The following PEX14 variants were observed in gnomAD, a reference collection of about 807,000 sequenced individuals.
The protein encoded by PEX14 is peroxisomal biogenesis factor 14.
PEX14 carries 15 observed loss-of-function variants against 49.5 expected under a neutral mutation model. The ratio of observed to expected loss-of-function variants is 0.30; its 90% CI spans 0.20 to 0.47. PEX14 has a LOEUF of 0.47. Ranked by LOEUF, PEX14 falls within the 20% of genes least tolerant of loss-of-function variation. The pLI is 1.00. For synonymous variants in PEX14, 210 were observed against 212.7 expected (o/e 0.99, Z 0.11); for missense variants, 398 against 494.8 (o/e 0.80, Z 1.86).
chr1:10,571,542 C>T (rs1347230211), intron 3 of PEX14, among the ~76,000 whole-genome samples: 2 of 152,110 alleles, frequency 1.3e-5, no homozygotes, highest in Non-Finnish European at 2.9e-5. Context: ...GGCACAGTGC[C>T]TCATGCCTAG....
intron 1 of PEX14, among the ~76,000 whole-genome samples, chr1:10,487,966 C>T (rs1180781961): frequency 1.3e-5 from 2 of 149,758 alleles, no homozygotes; most frequent in Admixed American, 6.7e-5. Context: ...TTTTTAATTG[C>T]GATGGGGTTT....
chr1:10,581,428 C>T (rs909271178), intron 3 of PEX14, among the ~76,000 whole-genome samples: 4 of 151,250 alleles, frequency 2.6e-5, no homozygotes, highest in Non-Finnish European at 4.4e-5. Flanking sequence ...GTCTCAGCCT[C>T]CCGAGTAGTT....
intron 3 of PEX14, among the ~76,000 whole-genome samples, chr1:10,571,819 C>T (rs1374651634): frequency 1.3e-5 from 2 of 151,766 alleles, no homozygotes; most frequent in East Asian, 3.9e-4. Flanking sequence ...AAAAACAAAA[C>T]AAAACAAAAA....
intron 3 of PEX14, among the ~76,000 whole-genome samples, chr1:10,560,638 T>G (rs1639624907): frequency 6.6e-6 from 1 of 151,804 alleles, no homozygotes; most frequent in Non-Finnish European, 1.5e-5. Flanking sequence ...CCCAAAGTGT[T>G]GGGATCACAG....
chr1:10,551,510 T>C (rs1639333720), intron 3 of PEX14, among the ~76,000 whole-genome samples: 1 of 152,158 alleles, frequency 6.6e-6, no homozygotes, highest in South Asian at 2.1e-4. Context: ...GGAGATTCTT[T>C]AGAGGTGACT....
At chr1:10,622,274 G>A (rs2124638332) in intron 5 of PEX14, among the ~76,000 whole-genome samples, 1 of 152,304 alleles carries the variant, frequency 6.6e-6, no homozygotes, top group South Asian at 2.1e-4. Context: ...TTTCCCCAGA[G>A]CCAGTTTCTT....
intron 5 of PEX14, among the ~76,000 whole-genome samples, chr1:10,619,434 A>T (rs968895173): frequency 1.3e-5 from 2 of 150,810 alleles, no homozygotes; most frequent in Admixed American, 6.7e-5. Context: ...CTCCTGTCTC[A>T]GCTTCCTGAG....
chr1:10,535,087 G>A (rs1356253800), intron 2 of PEX14, among the ~76,000 whole-genome samples: 1 of 152,182 alleles, frequency 6.6e-6, no homozygotes, highest in African/African-American at 2.4e-5. Context: ...CAACTTATGA[G>A]TGAACTCAGG....
intron 4 of PEX14, among the ~76,000 whole-genome samples, chr1:10,609,974 A>T (rs1641232076): frequency 6.6e-6 from 1 of 151,206 alleles, no homozygotes; most frequent in Admixed American, 6.6e-5. Context: ...CTTTACCGTA[A>T]CATAATGGTT....
chr1:10,526,744 T>A (rs2988399), intron 2 of PEX14, among the ~76,000 whole-genome samples: 120,847 of 151,962 alleles, frequency 0.8, 48,171 homozygotes, highest in Non-Finnish European at 0.82. Context: ...ATTTCCTTTG[T>A]GCATGACCTT....
intron 2 of PEX14, among the ~76,000 whole-genome samples, chr1:10,530,069 T>C (rs1483452898): frequency 6.6e-6 from 1 of 152,170 alleles, no homozygotes; most frequent in African/African-American, 2.4e-5. Context: ...CTGGCTTTTG[T>C]TGACTTTCCC....
At chr1:10,580,470 C>A (rs1385482731) in intron 3 of PEX14, among the ~76,000 whole-genome samples, 1 of 152,186 alleles carries the variant, frequency 6.6e-6, no homozygotes, top group African/African-American at 2.4e-5. Context: ...GGTGATCCAC[C>A]TGCCTTGACC....
chr1:10,588,234 A>G (rs1041870187), intron 3 of PEX14, among the ~76,000 whole-genome samples: 24 of 152,020 alleles, frequency 1.6e-4, no homozygotes, highest in Non-Finnish European at 2.5e-4. Flanking sequence ...AAAAAAAGAC[A>G]TGGAGTCTCA....
At chr1:10,544,563 T>G (rs573145781) in intron 3 of PEX14, among the ~76,000 whole-genome samples, 1 of 152,274 alleles carries the variant, frequency 6.6e-6, no homozygotes, top group African/African-American at 2.4e-5. Flanking sequence ...TACACATATT[T>G]AATGTGTGGT....
chr1:10,524,775 C>A (rs1638418451), intron 2 of PEX14, among the ~76,000 whole-genome samples: 2 of 152,162 alleles, frequency 1.3e-5, no homozygotes, highest in Admixed American at 1.3e-4. Context: ...CTCAGTGTAA[C>A]CTCAAACTCC....
chr1:10,507,237 T>C (rs1158567338), intron 2 of PEX14, among the ~76,000 whole-genome samples: 1 of 152,264 alleles, frequency 6.6e-6, no homozygotes, highest in Non-Finnish European at 1.5e-5. Flanking sequence ...CTGGTGTCCA[T>C]GCTGCTGAAC....
intron 2 of PEX14, among the ~76,000 whole-genome samples, chr1:10,509,199 C>T (rs1236899612): frequency 1.3e-5 from 2 of 152,060 alleles, no homozygotes; most frequent in Non-Finnish European, 2.9e-5. Flanking sequence ...CCGCCTGCCT[C>T]GGCCTCCCAA....
intron 1 of PEX14, among the ~76,000 whole-genome samples, chr1:10,491,820 A>G (rs2124395449): frequency 6.6e-6 from 1 of 150,674 alleles, no homozygotes; most frequent in South Asian, 2.1e-4. Context: ...AGCTGGGACT[A>G]CAGGCATGCA....
At chr1:10,508,470 C>T (rs540017691) in intron 2 of PEX14, among the ~76,000 whole-genome samples, 4 of 152,290 alleles carry the variant, frequency 2.6e-5, no homozygotes, top group East Asian at 1.9e-4. Flanking sequence ...GGGTTACAGG[C>T]GTGAGCTGCC....
Sources: allele counts gnomAD v4.1 joint callset (sites outside exome capture counted in the v4.1 genomes callset), GRCh38; gene constraint gnomAD v4.1.1; transcripts MANE v1.5; gene names NCBI Gene and HGNC (gene_info 2026-07-23, HGNC 2026-07-21).